The following EXOC6B variants were observed in gnomAD, a reference collection of about 807,000 sequenced individuals.
The protein encoded by EXOC6B is exocyst complex component 6B.
EXOC6B carries 54 observed loss-of-function variants against 113.5 expected under a neutral mutation model. The ratio of observed to expected loss-of-function variants is 0.48; its 90% CI spans 0.38 to 0.60. EXOC6B has a LOEUF of 0.60. EXOC6B is among the 20% of genes least tolerant of loss of function. The pLI, the probability that EXOC6B is intolerant of heterozygous loss-of-function variation, is 0.00. For synonymous variants in EXOC6B, 357 were observed against 339.0 expected, an observed-to-expected ratio of 1.05 and a Z score of -0.58; for missense variants, 797 against 977.5, an observed-to-expected ratio of 0.82 and a Z score of 2.46.
At chr2:72,594,504 G>A (rs191764778) in intron 6 of EXOC6B, among the ~76,000 whole-genome samples, 15 of 152,220 alleles carry the variant, frequency 9.9e-5, no homozygotes, top group Admixed American at 3.3e-4. Flanking sequence ...GGAGATGATG[G>A]ATGCTGCCCA....
intron 18 of EXOC6B, among the ~76,000 whole-genome samples, chr2:72,405,859 C>T (rs1396865964): frequency 6.6e-6 from 1 of 152,084 alleles, no homozygotes; most frequent in Non-Finnish European, 1.5e-5. Context: ...ACAATATTAA[C>T]CTTAAATGTA....
intron 1 of EXOC6B, among the ~76,000 whole-genome samples, chr2:72,774,028 T>C (rs1004142938): frequency 2.6e-5 from 4 of 152,248 alleles, no homozygotes; most frequent in Admixed American, 2.6e-4. Flanking sequence ...TAGTCTATGT[T>C]ATACTTCAAA....
rs374572109 is a variant in EXOC6B, at chr2:72,209,874, T to G, written c.2197-25687A>C. ...ATACACTCTTACTTACCAAGGACAATCATCAAGGCAGACTCTTTCTTAAAA... is the reference window on the plus strand; with the variant it reads ...ATACACTCTTACTTACCAAGGACAAGCATCAAGGCAGACTCTTTCTTAAAA... On this transcript the variant is annotated intron_variant, in intron 20 of 21. Coordinates refer to ENST00000272427, the MANE Select transcript of EXOC6B (RefSeq NM_015189.3). Among the ~76,000 whole-genome samples the G allele has an allele frequency of 3.3e-5, 5 of 152,328 alleles. No homozygotes were observed. The East Asian group carries it at 9.6e-4, about 29-fold the overall frequency.
intron 5 of EXOC6B, among the ~76,000 whole-genome samples, chr2:72,729,054 C>T (rs557308631): frequency 7.0e-4 from 107 of 152,270 alleles, no homozygotes; most frequent in Non-Finnish European, 1.2e-3. Context: ...ATAGTAGGTA[C>T]TCGATTCATC....
intron 19 of EXOC6B, among the ~76,000 whole-genome samples, chr2:72,366,070 C>T (rs1056354284): frequency 3.3e-5 from 5 of 151,970 alleles, no homozygotes; most frequent in Admixed American, 2.0e-4. Context: ...AAACAATGAC[C>T]AGGATGCAAA....
chr2:72,717,714 A>G (rs1208947825), intron 6 of EXOC6B, among the ~76,000 whole-genome samples: 1 of 150,966 alleles, frequency 6.6e-6, no homozygotes, highest in Non-Finnish European at 1.5e-5. Context: ...ATAACATGCT[A>G]TCTTGCTTAC....
intron 6 of EXOC6B, among the ~76,000 whole-genome samples, chr2:72,641,853 CGAA>C (rs1172922035): frequency 6.6e-6 from 1 of 152,176 alleles, no homozygotes; most frequent in Non-Finnish European, 1.5e-5. Flanking sequence ...CCCTCTGGGA[CGAA>C]GATTCCAGAG....
At chr2:72,375,837 G>T (rs1382225745) in intron 19 of EXOC6B, among the ~76,000 whole-genome samples, 1 of 152,136 alleles carries the variant, frequency 6.6e-6, no homozygotes, top group Non-Finnish European at 1.5e-5. Flanking sequence ...AATTAGCTAG[G>T]CATCTGTTAA....
chr2:72,533,199 G>A (rs1224357116), intron 8 of EXOC6B, among the ~76,000 whole-genome samples: 1 of 152,150 alleles, frequency 6.6e-6, no homozygotes, highest in Admixed American at 6.5e-5. Context: ...AGTGAAGGAT[G>A]ATCTACTCTA....
chr2:72,237,495 T>C (rs1026788839), intron 20 of EXOC6B, among the ~76,000 whole-genome samples: 2 of 152,040 alleles, frequency 1.3e-5, no homozygotes, highest in Non-Finnish European at 2.9e-5. Context: ...GAAACCAACA[T>C]ATGGATTATG....
intron 5 of EXOC6B, among the ~76,000 whole-genome samples, chr2:72,724,157 G>C (rs1680168675): frequency 6.6e-6 from 1 of 152,094 alleles, no homozygotes; most frequent in African/African-American, 2.4e-5. Context: ...ACTAGGACAG[G>C]CATAGAGAAA....
intron 18 of EXOC6B, among the ~76,000 whole-genome samples, chr2:72,408,402 T>C (rs907431892): frequency 6.6e-6 from 1 of 152,048 alleles, no homozygotes; most frequent in Non-Finnish European, 1.5e-5. Context: ...GAGCCCACAT[T>C]GCCAAGTCAC....
chr2:72,663,079 A>G (rs1171832150), intron 6 of EXOC6B, among the ~76,000 whole-genome samples: 1 of 152,194 alleles, frequency 6.6e-6, no homozygotes, highest in Non-Finnish European at 1.5e-5. Context: ...CTCATTCCAC[A>G]GTATTTACCA....
At chr2:72,298,909 C>G (rs1229283663) in intron 20 of EXOC6B, among the ~76,000 whole-genome samples, 1 of 152,072 alleles carries the variant, frequency 6.6e-6, no homozygotes, top group African/African-American at 2.4e-5. Context: ...CTCTGGCTGT[C>G]CTTAACATTT....
chr2:72,547,384 C>T (rs933213622), intron 8 of EXOC6B, among the ~76,000 whole-genome samples: 5 of 152,074 alleles, frequency 3.3e-5, no homozygotes, highest in African/African-American at 4.8e-5. Flanking sequence ...ATAACACATA[C>T]GCAGAAAAGA....
intron 8 of EXOC6B, among the ~76,000 whole-genome samples, chr2:72,518,276 T>C (rs1192974633): frequency 6.6e-6 from 1 of 152,206 alleles, no homozygotes; most frequent in Non-Finnish European, 1.5e-5. Context: ...TCCTACTTTA[T>C]ATCATTAGTA....
At chr2:72,630,917 G>A (rs1443871427) in intron 6 of EXOC6B, among the ~76,000 whole-genome samples, 1 of 152,150 alleles carries the variant, frequency 6.6e-6, no homozygotes, top group Non-Finnish European at 1.5e-5. Flanking sequence ...TAGTGACACG[G>A]TAGTCAACTC....
chr2:72,681,581 G>A (rs1336014409), intron 6 of EXOC6B, among the ~76,000 whole-genome samples: 1 of 152,168 alleles, frequency 6.6e-6, no homozygotes, highest in African/African-American at 2.4e-5. Context: ...TAAAAGTCCA[G>A]TATGTGTGTA....
chr2:72,302,151 A>T (rs1212294208), intron 20 of EXOC6B, among the ~76,000 whole-genome samples: 1 of 152,196 alleles, frequency 6.6e-6, no homozygotes, highest in African/African-American at 2.4e-5. Context: ...CATGCTTTTC[A>T]GTGATTATTT....
Sources: gnomAD v4.1 joint callset for allele counts (sites outside exome capture counted in the v4.1 genomes callset) on GRCh38, gnomAD v4.1.1 for gene constraint, MANE v1.5 for transcripts, NCBI Gene and HGNC (gene_info 2026-07-23, HGNC 2026-07-21) for gene names.